The following MTSS1 variants were observed in gnomAD, a reference collection of about 807,000 sequenced individuals.
MTSS1 encodes MTSS I-BAR domain containing 1.
MTSS1 carries 18 observed loss-of-function variants against 79.0 expected under a neutral mutation model. That is an observed-to-expected ratio of 0.23 (90% confidence interval 0.16 to 0.34). The LOEUF is 0.34. MTSS1 is among the 10% of genes least tolerant of loss of function. The pLI is 1.00. For missense variants in MTSS1, 815 were observed against 986.2 expected (o/e 0.83, Z 2.33); for synonymous variants, 341 against 368.6 (o/e 0.93, Z 0.86).
chr8:124,640,598 C>T (rs1817851269), intron 3 of MTSS1, among the ~76,000 whole-genome samples: 1 of 152,180 alleles, frequency 6.6e-6, no homozygotes, highest in Admixed American at 6.5e-5. Context: ...GGCTGGAGTG[C>T]AATGGCGTGA....
chr8:124,612,165 C>A (rs982850755), intron 3 of MTSS1, among the ~76,000 whole-genome samples: 1 of 152,176 alleles, frequency 6.6e-6, no homozygotes, highest in African/African-American at 2.4e-5. Context: ...TTGGACCACT[C>A]CCAACAGTTT....
intron 1 of MTSS1, among the ~76,000 whole-genome samples, chr8:124,726,088 G>A (rs1005257636): frequency 6.6e-6 from 1 of 152,162 alleles, no homozygotes; most frequent in Non-Finnish European, 1.5e-5. Context: ...AGATTCCGCC[G>A]TGACTGGGCA....
At chr8:124,616,952 A>G (rs1836988851) in intron 3 of MTSS1, among the ~76,000 whole-genome samples, 1 of 152,218 alleles carries the variant, frequency 6.6e-6, no homozygotes, top group African/African-American at 2.4e-5. Context: ...TTTCATCTAG[A>G]GACTAGCAAT....
At chr8:124,565,306 A>C (rs1241529494) in intron 9 of MTSS1, among the ~76,000 whole-genome samples, 1 of 152,250 alleles carries the variant, frequency 6.6e-6, no homozygotes, top group Non-Finnish European at 1.5e-5. Flanking sequence ...CAGTGAGATC[A>C]GCCTGTGTAA....
chr8:124,684,466 G>A (rs912348086), intron 3 of MTSS1, among the ~76,000 whole-genome samples: 2 of 152,128 alleles, frequency 1.3e-5, no homozygotes, highest in Non-Finnish European at 2.9e-5. Context: ...ATGACAAGGC[G>A]GCCATGTTTC....
At chr8:124,696,406 GTAAAA>G (rs1828829215) in intron 3 of MTSS1, among the ~76,000 whole-genome samples, 1 of 151,898 alleles carries the variant, frequency 6.6e-6, no homozygotes, top group African/African-American at 2.4e-5. Context: ...TCTTATCTCT[GTAAAA>G]TATACCTTCT....
chr8:124,724,566 AT>A (rs1833411162), intron 1 of MTSS1, among the ~76,000 whole-genome samples: 1 of 152,220 alleles, frequency 6.6e-6, no homozygotes, highest in Non-Finnish European at 1.5e-5. Flanking sequence ...TGAAGAAAAT[AT>A]TTGATTTCAG....
chr8:124,705,312 A>T (rs1830239769), intron 1 of MTSS1, among the ~76,000 whole-genome samples: 1 of 152,126 alleles, frequency 6.6e-6, no homozygotes, highest in South Asian at 2.1e-4. Context: ...CTCTACTAAA[A>T]ATACAAAAAT....
intron 3 of MTSS1, among the ~76,000 whole-genome samples, chr8:124,632,094 T>C (rs754872840): frequency 5.3e-5 from 8 of 151,878 alleles, no homozygotes; most frequent in Non-Finnish European, 8.8e-5. Flanking sequence ...CTGGGCAACA[T>C]AGCGAGACTC....
chr8:124,663,398 C>T (rs1822455435), intron 3 of MTSS1, among the ~76,000 whole-genome samples: 1 of 152,038 alleles, frequency 6.6e-6, no homozygotes, highest in South Asian at 2.1e-4. Context: ...AACCACCAAC[C>T]CCTGTGCTCA....
intron 3 of MTSS1, among the ~76,000 whole-genome samples, chr8:124,640,705 G>A (rs1415355391): frequency 2.0e-5 from 3 of 151,910 alleles, no homozygotes; most frequent in Non-Finnish European, 4.4e-5. Context: ...CCCCATGCCC[G>A]GCTAATTTTT....
At chr8:124,657,953 A>AGAGTG (rs1406170698) in intron 3 of MTSS1, among the ~76,000 whole-genome samples, 1 of 152,176 alleles carries the variant, frequency 6.6e-6, no homozygotes, top group Non-Finnish European at 1.5e-5. Flanking sequence ...TTAGGTCATG[A>AGAGTG]GAGTGGAACC....
intron 3 of MTSS1, among the ~76,000 whole-genome samples, chr8:124,630,074 T>A (rs1009489810): frequency 2.6e-5 from 4 of 152,274 alleles, no homozygotes; most frequent in Admixed American, 1.3e-4. Flanking sequence ...TAATTCATCT[T>A]GTAAAATTGC....
At chr8:124,680,840 C>T (rs1219188127) in intron 3 of MTSS1, among the ~76,000 whole-genome samples, 1 of 152,200 alleles carries the variant, frequency 6.6e-6, no homozygotes, top group Non-Finnish European at 1.5e-5. Context: ...ATCTACCCAG[C>T]TGCTTTGAGG....
intron 3 of MTSS1, among the ~76,000 whole-genome samples, chr8:124,654,951 C>T (rs140959509): frequency 1.1e-3 from 171 of 152,296 alleles, no homozygotes; most frequent in African/African-American, 4.0e-3. Context: ...TTTCCAATGC[C>T]GAAACTTCTA....
At chr8:124,699,698 C>G in intron 2 of MTSS1, 99 bp from the exon 3 acceptor site, 1 of 1,079,530 alleles carries the variant, frequency 9.3e-7, no homozygotes. Flanking sequence ...GTACATGTAA[C>G]CTTCCTCCAG....
intron 10 of MTSS1, chr8:124,558,713 C>G (rs1192314319): frequency 6.4e-7 from 1 of 1,554,242 alleles, no homozygotes. Context: ...GGGCGGTCAC[C>G]TTCTCTGTGG....
At chr8:124,595,836 C>T (rs1469139515) in intron 3 of MTSS1, among the ~76,000 whole-genome samples, 3 of 152,184 alleles carry the variant, frequency 2.0e-5, no homozygotes, top group African/African-American at 4.8e-5. Context: ...AGCACCCATT[C>T]GCCCTCACAT....
chr8:124,715,985 A>G (rs892398091), intron 1 of MTSS1, among the ~76,000 whole-genome samples: 1 of 152,266 alleles, frequency 6.6e-6, no homozygotes, highest in Non-Finnish European at 1.5e-5. Context: ...ACTAGCAAGT[A>G]GAATTCAACT....
Sources: gnomAD v4.1 joint callset for allele counts (sites outside exome capture counted in the v4.1 genomes callset) on GRCh38, gnomAD v4.1.1 for gene constraint, MANE v1.5 for transcripts, NCBI Gene and HGNC (gene_info 2026-07-23, HGNC 2026-07-21) for gene names.